Variants in MKRN1 observed in about 807,000 individuals in gnomAD.
MKRN1 encodes the protein makorin ring finger protein 1, also known as E3 ubiquitin-protein ligase makorin-1.
In MKRN1, 9 loss-of-function variants were observed where a neutral mutation model predicts 55.5. The ratio of observed to expected loss-of-function variants is 0.16; its 90% CI spans 0.10 to 0.28. The LOEUF is 0.28. MKRN1 is among the 10% of genes least tolerant of loss of function. MKRN1 has a pLI of 1.00. For missense variants in MKRN1, 488 were observed against 626.7 expected, an observed-to-expected ratio of 0.78 and a Z score of 2.36; for synonymous variants, 253 against 235.9, an observed-to-expected ratio of 1.07 and a Z score of -0.66.
At chr7:140,467,385 C>A (rs1794804618) in intron 2 of MKRN1, among the ~76,000 whole-genome samples, 1 of 152,130 alleles carries the variant, frequency 6.6e-6, no homozygotes, top group Non-Finnish European at 1.5e-5. Flanking sequence ...TCAAGTGATT[C>A]TCCCACCTCA....
chr7:140,473,815 A>G (rs1298631401), intron 1 of MKRN1: 1 of 151,882 alleles, frequency 6.6e-6, no homozygotes, highest in Non-Finnish European at 1.5e-5. Flanking sequence ...CAACATGGTG[A>G]AAGCGGTACC....
At chr7:140,474,719 T>C (rs1795068766) in intron 1 of MKRN1, among the ~76,000 whole-genome samples, 1 of 137,356 alleles carries the variant, frequency 7.3e-6, no homozygotes, top group Admixed American at 6.8e-5. Context: ...ATTTCCTTCT[T>C]TCTTTTTTTT....
At chr7:140,471,758 C>A in intron 2 of MKRN1, 125 bp downstream of exon 2, 1 of 1,345,730 alleles carries the variant, frequency 7.4e-7, no homozygotes, top group Non-Finnish European at 1.0e-6. Flanking sequence ...GCATGAGCCA[C>A]TGCCCAGCCA....
intron 1 of MKRN1, among the ~76,000 whole-genome samples, chr7:140,475,710 G>C (rs1266556068): frequency 2.6e-5 from 4 of 151,986 alleles, no homozygotes; most frequent in Non-Finnish European, 5.9e-5. Context: ...AGAGTTTTTT[G>C]AAAAATTAAA....
At chr7:140,474,898 T>C (rs552458927) in intron 1 of MKRN1, among the ~76,000 whole-genome samples, 1 of 151,934 alleles carries the variant, frequency 6.6e-6, no homozygotes, top group South Asian at 2.1e-4. Flanking sequence ...TTTGTATTTT[T>C]AGTAGAGAAC....
At chr7:140,464,549 A>C (rs1253417231) in intron 2 of MKRN1, among the ~76,000 whole-genome samples, 1 of 152,100 alleles carries the variant, frequency 6.6e-6, no homozygotes, top group East Asian at 1.9e-4. Context: ...CTAAAAACGC[A>C]AAAGAATTAG....
Position 140,454,167 on chromosome 7 carries a change from CT to C in MKRN1, c.*349del, listed in dbSNP as rs1234811485. ...CTTGGACCCCAAAGCAGGGCCACTG[CT>C]TTTACTTTTGAACCTGGGGTCCTCA... On this transcript the variant is annotated 3_prime_UTR_variant, in exon 8 of 8. Transcript: ENST00000255977. 1 of 313,794 alleles carries C rather than the reference CT, an allele frequency of 3.2e-6. No homozygotes were observed. Among genetic ancestry groups the C allele is most frequent in the Admixed American group, 4.3e-5 (1 of 23,320 alleles). 19.4% of individuals were successfully genotyped at this position (313,794 alleles called of 1,614,324 possible). A position where few individuals can be genotyped will look rare whatever the true frequency, so the allele number is the denominator to read the frequency against.
intron 1 of MKRN1, among the ~76,000 whole-genome samples, chr7:140,474,005 A>AAAGAAAG (rs1554450297): frequency 2.6e-4 from 17 of 65,656 alleles, no homozygotes; most frequent in Middle Eastern, 7.1e-3. Context: ...AAAAAAAAAA[A>AAAGAAAG]AAAGAAAGAA....
rs935360280 is a variant in MKRN1, at chr7:140,454,455, C to CCA, written c.*60_*61dup. 2.4e-5 allele frequency: 36 copies of CCA among 1,508,554 alleles called. No individual in the cohort carries two copies. In the African/African-American group the frequency reaches 4.3e-4, roughly 18 times the overall value. The allele number at this position is 1,508,554 out of a possible 1,614,324, so 93.4% of individuals were successfully genotyped here. A position where few individuals can be genotyped will look rare whatever the true frequency, so the allele number is the denominator to read the frequency against. On this transcript the variant is annotated 3_prime_UTR_variant, in exon 8 of 8. Transcript: ENST00000255977. ...AGGAGAGAACACAGGCACTGCCACACCACCACAGGGGACAGCTGCTGTCTG... is the reference window on the plus strand; with the variant it reads ...AGGAGAGAACACAGGCACTGCCACACCACACCACAGGGGACAGCTGCTGTCTG...
rs998532171 is a variant in MKRN1, at chr7:140,453,045, G to C, written c.*1472C>G. 1 of 152,528 alleles carries C rather than the reference G, an allele frequency of 6.6e-6. No individual in the cohort carries two copies. Among genetic ancestry groups the C allele is most frequent in the Admixed American group, 6.5e-5 (1 of 15,270 alleles). The allele number at this position is 152,528 out of a possible 1,614,324, so 9.4% of individuals were successfully genotyped here. The stretch of plus-strand genomic sequence containing the variant: ...CAAAAACAGCTCATTACACAGAACA[G>C]CCAACTTTTTTTTTAATTGTTTTAT... On this transcript the variant is annotated 3_prime_UTR_variant, in exon 8 of 8. Coordinates refer to ENST00000255977, the MANE Select transcript of MKRN1 (RefSeq NM_013446.4).
At chr7:140,463,971 G>A (rs1261490034) in intron 2 of MKRN1, among the ~76,000 whole-genome samples, 1 of 151,964 alleles carries the variant, frequency 6.6e-6, no homozygotes, top group East Asian at 1.9e-4. Flanking sequence ...GTCTCACTCT[G>A]TCACCTGGCT....
chr7:140,476,499 A>T (rs1253614350), intron 1 of MKRN1, among the ~76,000 whole-genome samples: 1 of 146,842 alleles, frequency 6.8e-6, no homozygotes. Flanking sequence ...AGGAAGATAC[A>T]CATGTGTTCT....
intron 2 of MKRN1, among the ~76,000 whole-genome samples, chr7:140,461,319 C>T (rs933061607): frequency 1.3e-5 from 2 of 152,124 alleles, no homozygotes; most frequent in Admixed American, 6.5e-5. Flanking sequence ...TCTCCAAATA[C>T]GTGGGGAAAA....
In MKRN1 at chr7:140,454,326, T is replaced by TC. The variant is rs1369601768; in HGVS notation, c.*190dup. 6.6e-6 allele frequency: 4 copies of TC among 606,698 alleles called. No homozygotes were observed. In the African/African-American group the frequency reaches 7.4e-5, roughly 11 times the overall value. The allele number at this position is 606,698 out of a possible 1,614,324, so 37.6% of individuals were successfully genotyped here. A position where few individuals can be genotyped will look rare whatever the true frequency, so the allele number is the denominator to read the frequency against. On this transcript the variant is annotated 3_prime_UTR_variant, in exon 8 of 8. Coordinates refer to ENST00000255977, the MANE Select transcript of MKRN1 (RefSeq NM_013446.4). ...TTAAGATTTATTTTTGTAACTTTTT[T>TC]CAACAGGGAAAACAACACACTCCTC...
intron 1 of MKRN1, chr7:140,478,057 T>C (rs1489312404): frequency 6.6e-6 from 1 of 152,270 alleles, no homozygotes; most frequent in Non-Finnish European, 1.5e-5. Flanking sequence ...AGGATAAATG[T>C]ATCACATCAA....
At chr7:140,469,515 G>C (rs932840008) in intron 2 of MKRN1, among the ~76,000 whole-genome samples, 5 of 152,154 alleles carry the variant, frequency 3.3e-5, no homozygotes, top group African/African-American at 1.2e-4. Context: ...TCTGACACTA[G>C]GTCATAAAAG....
chr7:140,470,742 CCT>C (rs1265851224), intron 2 of MKRN1, among the ~76,000 whole-genome samples: 8 of 152,054 alleles, frequency 5.3e-5, no homozygotes, highest in South Asian at 2.1e-4. Context: ...ATGATGAAAC[CCT>C]GTCTCTGCCA....
At chr7:140,457,991 T>G (rs1021518101) in intron 4 of MKRN1, among the ~76,000 whole-genome samples, 2 of 152,174 alleles carry the variant, frequency 1.3e-5, no homozygotes, top group Non-Finnish European at 2.9e-5. Context: ...TGGAAATGAT[T>G]AGAAGCAAAC....
intron 1 of MKRN1, among the ~76,000 whole-genome samples, chr7:140,476,995 G>C (rs1158391801): frequency 6.6e-6 from 1 of 151,186 alleles, no homozygotes; most frequent in Non-Finnish European, 1.5e-5. Flanking sequence ...TAATGCCAGA[G>C]ACTGAGGCAG....
Sources: gnomAD v4.1 joint callset for allele counts (sites outside exome capture counted in the v4.1 genomes callset) on GRCh38, gnomAD v4.1.1 for gene constraint, MANE v1.5 for transcripts, NCBI Gene and HGNC (gene_info 2026-07-23, HGNC 2026-07-21) for gene names.